CAST: variants seen among roughly 807,000 people sequenced by gnomAD.
CAST encodes the protein calpastatin.
In CAST, 76 loss-of-function variants were observed where a neutral mutation model predicts 119.6. The observed-to-expected ratio is 0.64, with a 90% CI of 0.53 to 0.77. The LOEUF is 0.77. Among genes scored for constraint, CAST ranks in the 30% least tolerant of loss-of-function variants. CAST has a pLI of 0.00. For synonymous variants in CAST, 319 were observed against 331.6 expected (o/e 0.96, Z 0.41); for missense variants, 953 against 946.5 (o/e 1.01, Z -0.09).
intron 1 of CAST, among the ~76,000 whole-genome samples, chr5:96,560,968 A>T (rs980980607): frequency 6.6e-6 from 1 of 152,210 alleles, no homozygotes; most frequent in South Asian, 2.1e-4. Flanking sequence ...TCCAACAATG[A>T]TAGACTGGAT....
At chr5:96,595,812 T>A (rs1215753554) in intron 1 of CAST, among the ~76,000 whole-genome samples, 1 of 152,100 alleles carries the variant, frequency 6.6e-6, no homozygotes, top group Non-Finnish European at 1.5e-5. Context: ...AAAATAGAGT[T>A]AAAATTCAAC....
the CAST span, among the ~76,000 whole-genome samples, chr5:96,476,371 A>G: frequency 6.6e-6 from 1 of 152,152 alleles, no homozygotes; most frequent in Admixed American, 6.5e-5. Flanking sequence ...ATTATTTTGT[A>G]ACAACATTCA....
chr5:96,126,411 A>C, the CAST span, among the ~76,000 whole-genome samples: 8 of 152,214 alleles, frequency 5.3e-5, no homozygotes, highest in South Asian at 1.7e-3. Context: ...CTTTAGTATC[A>C]GTTGATTATT....
chr5:96,491,080 G>C, the CAST span, among the ~76,000 whole-genome samples: 1 of 151,794 alleles, frequency 6.6e-6, no homozygotes, highest in Non-Finnish European at 1.5e-5. Flanking sequence ...GAGCAAAAGA[G>C]GCACTTTACA....
chr5:96,535,687 C>A (rs939076756), intron 1 of CAST, among the ~76,000 whole-genome samples: 3 of 150,412 alleles, frequency 2.0e-5, no homozygotes, highest in Non-Finnish European at 4.4e-5. Context: ...CATTCTCCTG[C>A]CTCAGCCTCT....
the CAST span, among the ~76,000 whole-genome samples, chr5:96,283,977 T>C: frequency 6.6e-6 from 1 of 152,110 alleles, no homozygotes; most frequent in Non-Finnish European, 1.5e-5. Context: ...GTCTCAATGC[T>C]CTTACCATTG....
At chr5:96,454,721 C>CA in the CAST span, among the ~76,000 whole-genome samples, 1 of 152,166 alleles carries the variant, frequency 6.6e-6, no homozygotes, top group Admixed American at 6.5e-5. Context: ...AGTGTTTCAC[C>CA]AGTGGCAATT....
the CAST span, among the ~76,000 whole-genome samples, chr5:96,110,365 A>G: frequency 6.6e-6 from 1 of 152,216 alleles, no homozygotes; most frequent in Non-Finnish European, 1.5e-5. Context: ...CAATCAATAA[A>G]GATAATCCTC....
At chr5:96,047,655 T>C in the CAST span, among the ~76,000 whole-genome samples, 1 of 152,198 alleles carries the variant, frequency 6.6e-6, no homozygotes, top group African/African-American at 2.4e-5. Context: ...GTTTGTTGAG[T>C]GTCTACCGAA....
chr5:96,131,356 C>G, the CAST span, among the ~76,000 whole-genome samples: 1 of 151,844 alleles, frequency 6.6e-6, no homozygotes, highest in Non-Finnish European at 1.5e-5. Flanking sequence ...GCACAACTGG[C>G]TGTTAACATC....
At chr5:96,479,934 C>T in the CAST span, among the ~76,000 whole-genome samples, 3 of 152,078 alleles carry the variant, frequency 2.0e-5, no homozygotes, top group East Asian at 5.8e-4. Context: ...CGAAGATCCT[C>T]TAAGTTGAGG....
the CAST span, among the ~76,000 whole-genome samples, chr5:96,292,074 G>A: frequency 2.0e-5 from 3 of 152,066 alleles, no homozygotes; most frequent in Non-Finnish European, 4.4e-5. Flanking sequence ...CTGTTTGAAT[G>A]AGAAGGAAAG....
At chr5:96,065,401 CTGTGTGTG>C in the CAST span, among the ~76,000 whole-genome samples, 1 of 149,170 alleles carries the variant, frequency 6.7e-6, no homozygotes, top group Non-Finnish European at 1.5e-5. Context: ...GGTTAATGAT[CTGTGTGTG>C]TGTGTGTGTG....
chr5:96,481,535 T>C, the CAST span, among the ~76,000 whole-genome samples: 1 of 152,170 alleles, frequency 6.6e-6, no homozygotes, highest in Non-Finnish European at 1.5e-5. Flanking sequence ...ATGTATTCAT[T>C]TACAAAGCAA....
At chr5:96,390,608 C>A in the CAST span, 1 of 152,516 alleles carries the variant, frequency 6.6e-6, no homozygotes, top group Non-Finnish European at 1.5e-5. Flanking sequence ...GTGAAACTTT[C>A]TTATTCTCAG....
At chr5:96,084,980 C>T in the CAST span, among the ~76,000 whole-genome samples, 1,502 of 152,234 alleles carry the variant, frequency 9.9e-3, 72 homozygotes, top group East Asian at 0.16. Flanking sequence ...AGGTATAAAG[C>T]GATAGGAAGG....
chr5:96,587,045 T>C (rs1020075538), intron 1 of CAST, among the ~76,000 whole-genome samples: 3 of 152,248 alleles, frequency 2.0e-5, no homozygotes, highest in African/African-American at 7.2e-5. Flanking sequence ...CTGCTCTTTC[T>C]ACTACCTCAC....
the CAST span, among the ~76,000 whole-genome samples, chr5:96,285,190 C>T: frequency 6.6e-6 from 1 of 152,084 alleles, no homozygotes; most frequent in Non-Finnish European, 1.5e-5. Context: ...GTTCCAGGTA[C>T]TGGGGATATA....
intron 1 of CAST, 105 bp downstream of exon 1, chr5:96,662,602 C>T: frequency 7.9e-7 from 1 of 1,259,174 alleles, no homozygotes. Flanking sequence ...GGTCTGCAGT[C>T]CCCGGCGCCC....
Sources: allele counts gnomAD v4.1 joint callset (sites outside exome capture counted in the v4.1 genomes callset), GRCh38; gene constraint gnomAD v4.1.1; transcripts MANE v1.5; gene names NCBI Gene and HGNC (gene_info 2026-07-23, HGNC 2026-07-21).